CAMK1D: variants seen among roughly 807,000 people sequenced by gnomAD.
CAMK1D encodes the protein calcium/calmodulin dependent protein kinase ID, also known as calcium/calmodulin-dependent protein kinase type 1D.
CAMK1D carries 9 observed loss-of-function variants against 47.7 expected under a neutral mutation model. The ratio of observed to expected loss-of-function variants is 0.19; its 90% CI spans 0.11 to 0.33. CAMK1D has a LOEUF of 0.33. Among genes scored for constraint, CAMK1D ranks in the 10% least tolerant of loss-of-function variants. CAMK1D has a pLI of 1.00. For synonymous variants in CAMK1D, 184 were observed against 184.9 expected (o/e 0.99, Z 0.04); for missense variants, 291 against 488.7 (o/e 0.60, Z 3.81).
intron 1 of CAMK1D, among the ~76,000 whole-genome samples, chr10:12,518,538 G>A (rs1162479058): frequency 2.9e-5 from 1 of 34,506 alleles, no homozygotes; most frequent in African/African-American, 1.0e-4. Context: ...CTCGCAGAGG[G>A]GGATTTGGCA....
intron 1 of CAMK1D, among the ~76,000 whole-genome samples, chr10:12,514,222 G>A (rs1486529053): frequency 3.3e-5 from 5 of 152,142 alleles, no homozygotes; most frequent in Non-Finnish European, 5.9e-5. Context: ...GAGGCAAGAG[G>A]GTGATGGAAC....
chr10:12,455,243 C>G (rs1290708336), intron 1 of CAMK1D, among the ~76,000 whole-genome samples: 1 of 152,228 alleles, frequency 6.6e-6, no homozygotes, highest in African/African-American at 2.4e-5. Context: ...ATGACCAGGG[C>G]TCACTGCAGC....
At chr10:12,722,201 T>G (rs573709625) in intron 3 of CAMK1D, among the ~76,000 whole-genome samples, 1 of 152,128 alleles carries the variant, frequency 6.6e-6, no homozygotes, top group South Asian at 2.1e-4. Context: ...CCCAGCACTT[T>G]GGGAGGCTGA....
chr10:12,758,534 A>G (rs1434541498), intron 3 of CAMK1D, among the ~76,000 whole-genome samples: 1 of 152,224 alleles, frequency 6.6e-6, no homozygotes, highest in Non-Finnish European at 1.5e-5. Context: ...TGTGCAGAGC[A>G]TTGAGACTCT....
chr10:12,623,425 C>T (rs1393085161), intron 2 of CAMK1D, among the ~76,000 whole-genome samples: 1 of 5,354 alleles, frequency 1.9e-4, no homozygotes, highest in Non-Finnish European at 4.9e-4. Flanking sequence ...TCTTTCCTTC[C>T]TCCCTCCCTC....
chr10:12,696,986 A>G (rs1431128626), intron 3 of CAMK1D, among the ~76,000 whole-genome samples: 1 of 152,172 alleles, frequency 6.6e-6, no homozygotes, highest in Non-Finnish European at 1.5e-5. Flanking sequence ...TTGCTGTCAC[A>G]CTTGTACGAC....
At chr10:12,762,282 A>G (rs116239949) in intron 4 of CAMK1D, among the ~76,000 whole-genome samples, 2,217 of 152,322 alleles carry the variant, frequency 0.015, 50 homozygotes, top group African/African-American at 0.05. Context: ...CGAGGATCAT[A>G]TCATCTTGAA....
intron 1 of CAMK1D, among the ~76,000 whole-genome samples, chr10:12,504,607 C>G (rs1280272334): frequency 6.6e-6 from 1 of 152,170 alleles, no homozygotes; most frequent in African/African-American, 2.4e-5. Context: ...AGAAACGATG[C>G]TTTACCAGCT....
chr10:12,568,790 C>G (rs903039833), intron 2 of CAMK1D, among the ~76,000 whole-genome samples: 4 of 152,066 alleles, frequency 2.6e-5, no homozygotes, highest in African/African-American at 9.7e-5. Flanking sequence ...CTTTCTGAAA[C>G]AGTCAACTAA....
chr10:12,474,961 A>G (rs1201659520), intron 1 of CAMK1D, among the ~76,000 whole-genome samples: 1 of 151,528 alleles, frequency 6.6e-6, no homozygotes, highest in African/African-American at 2.4e-5. Context: ...ATAGTATTCC[A>G]TGGTGCATAT....
intron 1 of CAMK1D, among the ~76,000 whole-genome samples, chr10:12,523,517 C>T (rs992191200): frequency 4.0e-5 from 6 of 151,852 alleles, no homozygotes; most frequent in South Asian, 2.1e-4. Flanking sequence ...CCGAGGCTGG[C>T]GGATCACTCG....
chr10:12,791,824 G>T (rs11257994), intron 6 of CAMK1D, among the ~76,000 whole-genome samples: 16,985 of 152,076 alleles, frequency 0.11, 2,027 homozygotes, highest in East Asian at 0.42. Flanking sequence ...CTTCTTTGGG[G>T]TTTCTATCTA....
At chr10:12,793,541 C>T (rs770473101) in intron 6 of CAMK1D, among the ~76,000 whole-genome samples, 9 of 152,216 alleles carry the variant, frequency 5.9e-5, no homozygotes, top group Non-Finnish European at 1.0e-4. Flanking sequence ...ATATTTATTT[C>T]TTACGGTCTG....
At chr10:12,586,593 T>C (rs1837826019) in intron 2 of CAMK1D, among the ~76,000 whole-genome samples, 1 of 152,096 alleles carries the variant, frequency 6.6e-6, no homozygotes, top group African/African-American at 2.4e-5. Flanking sequence ...GATCCAGGAT[T>C]AGCCTGACCC....
At chr10:12,792,978 A>T (rs930928500) in intron 6 of CAMK1D, among the ~76,000 whole-genome samples, 1 of 147,982 alleles carries the variant, frequency 6.8e-6, no homozygotes, top group Admixed American at 6.7e-5. Context: ...ACACACACAC[A>T]CACACGCACG....
chr10:12,480,182 G>T (rs1465677359), intron 1 of CAMK1D, among the ~76,000 whole-genome samples: 2 of 152,110 alleles, frequency 1.3e-5, no homozygotes, highest in African/African-American at 4.8e-5. Context: ...GGGCTCGGTG[G>T]CTCACACCTG....
intron 2 of CAMK1D, among the ~76,000 whole-genome samples, chr10:12,645,012 T>G (rs1839774914): frequency 7.0e-6 from 1 of 143,868 alleles, no homozygotes; most frequent in Non-Finnish European, 1.5e-5. Context: ...TTTTTTTTTT[T>G]GCAAAGCAGT....
At position 12,685,868 on chromosome 10, in the gene CAMK1D, C is replaced by G. The variant is rs193288828; in HGVS notation, c.299+19058C>G. On this transcript the variant is annotated intron_variant, in intron 3 of 10. Transcript: ENST00000619168. ...TTTCGGCTCTTCGGGAAAGTTGTGC[C>G]GGAGATTATGAGGATTAGGTGGGAC... 4.3e-3 allele frequency among the ~76,000 whole-genome samples: 655 copies of G among 152,274 alleles called. 1 individual carries two copies. Among genetic ancestry groups the G allele is most frequent in the Non-Finnish European group, 7.1e-3 (481 of 68,022 alleles).
At chr10:12,606,434 TG>T (rs918218382) in intron 2 of CAMK1D, among the ~76,000 whole-genome samples, 18 of 152,220 alleles carry the variant, frequency 1.2e-4, no homozygotes, top group African/African-American at 4.3e-4. Flanking sequence ...AATCAGTCGA[TG>T]GGGCTTGGGC....
Sources: gnomAD v4.1 joint callset for allele counts (sites outside exome capture counted in the v4.1 genomes callset) on GRCh38, gnomAD v4.1.1 for gene constraint, MANE v1.5 for transcripts, NCBI Gene and HGNC (gene_info 2026-07-23, HGNC 2026-07-21) for gene names.